Variants in MFSD2A observed in about 807,000 individuals in gnomAD.
MFSD2A encodes MFSD2 lysolipid transporter A, lysophospholipid, also known as sodium-dependent lysophosphatidylcholine symporter 1.
Under a neutral mutation model 64.7 loss-of-function variants are expected in MFSD2A, and 27 were observed. That is an observed-to-expected ratio of 0.42 (90% CI 0.31 to 0.58). The LOEUF (loss-of-function observed/expected upper bound fraction) is 0.58. Ranked by LOEUF, MFSD2A falls within the 20% of genes least tolerant of loss-of-function variation. The pLI, the probability that MFSD2A is intolerant of heterozygous loss-of-function variation, is 0.18. For synonymous variants in MFSD2A, 258 were observed against 273.4 expected (o/e 0.94, Z 0.55); for missense variants, 474 against 679.5 (o/e 0.70, Z 3.36).
rs1416868760 is a variant in MFSD2A at position 39,963,872 on chromosome 1, C to A, written c.354-1339C>A. 6.6e-6 allele frequency among the ~76,000 whole-genome samples: 1 copy of A among 152,158 alleles called. No individual in the cohort carries two copies. The highest frequency in any genetic ancestry group is 1.9e-4 in the East Asian group (1 of 5,196). On this transcript the variant is annotated intron_variant, in intron 3 of 13. Coordinates refer to ENST00000372811, the MANE Select transcript of MFSD2A (RefSeq NM_032793.5). The surrounding 1 kb of genome is among the most constrained non-coding windows in gnomAD (Gnocchi z 4.2). Reference sequence around the variant, plus strand: ...GCTTCAGCCTCCCGAGGAGCTGGGACTACAGGTGTGCGCCACCATGCCTGG... The same window carrying A: ...GCTTCAGCCTCCCGAGGAGCTGGGAATACAGGTGTGCGCCACCATGCCTGG...
rs1396657623 is a variant in MFSD2A at position 39,968,803 on chromosome 1, A to C, written c.1529+58A>C. ...GGGACGTCACTGTGTCTAAACCCTC[A>C]ATTTGTGTCTCCTGTGGCCAAGTCC... On this transcript the variant is annotated intron_variant, in intron 13 of 13. Transcript: ENST00000372811. The surrounding 1 kb of genome is among the most constrained non-coding windows in gnomAD (Gnocchi z 4.4). 3 of 1,588,764 alleles carry C rather than the reference A, an allele frequency of 1.9e-6. No individual in the cohort carries two copies. The South Asian group carries it at 3.4e-5, about 18-fold the overall frequency.
rs1253502035 is a variant in MFSD2A at position 39,968,941 on chromosome 1, T to C, written c.1529+196T>C. On this transcript the variant is annotated intron_variant, in intron 13 of 13. Coordinates refer to ENST00000372811, the MANE Select transcript of MFSD2A (RefSeq NM_032793.5). The surrounding 1 kb of genome is among the most constrained non-coding windows in gnomAD (Gnocchi z 4.4). ...ACAAATACATACTGGCTGCCTACTA[T>C]GTGCTAGGCATTGACTGCTCTAGTG... 6.6e-6 allele frequency among the ~76,000 whole-genome samples: 1 copy of C among 152,238 alleles called. No individual in the cohort carries two copies. The highest frequency in any genetic ancestry group is 1.5e-5 in the Non-Finnish European group (1 of 68,038).
Position 39,955,158 on chromosome 1 carries a change from C to A in MFSD2A, c.-135C>A, listed in dbSNP as rs1164180891. On this transcript the variant is annotated 5_prime_UTR_variant, in exon 1 of 14. Coordinates refer to ENST00000372811, the MANE Select transcript of MFSD2A (RefSeq NM_032793.5). This position sits in a 1 kb window ranked among gnomAD's most constrained non-coding sequence, Gnocchi z 5.9. ...GGGGCGTGCAGCAGAGTGCGTTCCT[C>A]GTCTGCCAGCCGGCTTGGCTAGCGC... The A allele has an allele frequency of 1.7e-6, 1 of 605,870 alleles. No homozygotes were observed. The allele number at this position is 605,870 out of a possible 1,614,324, so 37.5% of individuals were successfully genotyped here.
At chr1:39,962,940 G>C in intron 3 of MFSD2A, 1 of 1,558,832 alleles carries the variant, frequency 6.4e-7, no homozygotes, top group South Asian at 1.1e-5. Context: ...TGCTATCGGA[G>C]ACTACAATGG....
At chr1:39,957,565 T>C (rs1010642531) in intron 2 of MFSD2A, among the ~76,000 whole-genome samples, 15 of 152,200 alleles carry the variant, frequency 9.9e-5, no homozygotes, top group Admixed American at 2.6e-4. Flanking sequence ...GGCTGGGAGA[T>C]AGTCAGCTGG....
Position 39,966,801 on chromosome 1 carries a change from T to C in MFSD2A, c.806-10T>C. The stretch of plus-strand genomic sequence containing the variant: ...TCTGCTCCTTCCTCACTGTCCGCTC[T>C]GGCCCCCAGAACCCTATGAAGCCCA... On this transcript the variant is annotated splice_polypyrimidine_tract_variant and intron_variant, in intron 7 of 13. Coordinates refer to ENST00000372811, the MANE Select transcript of MFSD2A (RefSeq NM_032793.5). 1.2e-6 allele frequency: 2 copies of C among 1,614,112 alleles called. No individual in the cohort carries two copies. Among genetic ancestry groups the C allele is most frequent in the Middle Eastern group, 1.6e-4 (1 of 6,062 alleles).
rs945236664 is a variant in MFSD2A, at chr1:39,965,613, G to T, written c.556+64G>T. The T allele has an allele frequency of 6.6e-7, 1 of 1,524,542 alleles. No individual in the cohort carries two copies. The highest frequency in any genetic ancestry group is 1.4e-5 in the African/African-American group (1 of 73,036). The allele number at this position is 1,524,542 out of a possible 1,614,324, so 94.4% of individuals were successfully genotyped here. On this transcript the variant is annotated intron_variant, in intron 5 of 13. Transcript: ENST00000372811. The surrounding 1 kb of genome is among the most constrained non-coding windows in gnomAD (Gnocchi z 5.5). ...ACCCTCCAGCCATACTTCTTCCCTT[G>T]CGGGTCCAGCTCTTTGCTCTGCTCT... is the stretch of plus-strand genomic sequence containing the variant.
Position 39,966,508 on chromosome 1 carries a change from T to G in MFSD2A, c.715-93T>G, listed in dbSNP as rs1000494353. 4 of 1,006,330 alleles carry G rather than the reference T, an allele frequency of 4.0e-6. No homozygotes were observed. In the African/African-American group the frequency reaches 6.4e-5, roughly 16 times the overall value. 62.3% of individuals were successfully genotyped at this position (1,006,330 alleles called of 1,614,324 possible). A position where few individuals can be genotyped will look rare whatever the true frequency, so the allele number is the denominator to read the frequency against. On this transcript the variant is annotated intron_variant, in intron 6 of 13. Coordinates refer to ENST00000372811, the MANE Select transcript of MFSD2A (RefSeq NM_032793.5). ...AGTACGCTCCCAGAGGGGAGGGGACTGGCCCAAGATCATTGAGTGGGGCTG... is the reference window on the plus strand; with the variant it reads ...AGTACGCTCCCAGAGGGGAGGGGACGGGCCCAAGATCATTGAGTGGGGCTG...
In MFSD2A at chr1:39,966,797, G is replaced by T. The variant is rs368608657; in HGVS notation, c.806-14G>T. On this transcript the variant is annotated splice_polypyrimidine_tract_variant and intron_variant, in intron 7 of 13. Coordinates refer to ENST00000372811, the MANE Select transcript of MFSD2A (RefSeq NM_032793.5). ...GGTCTCTGCTCCTTCCTCACTGTCC[G>T]CTCTGGCCCCCAGAACCCTATGAAG... is the stretch of plus-strand genomic sequence containing the variant. The T allele has an allele frequency of 1.2e-6, 2 of 1,613,984 alleles. No individual in the cohort carries two copies. The highest frequency in any genetic ancestry group is 4.5e-5 in the East Asian group (2 of 44,864).
At chr1:39,962,393 C>T (rs1316145221) in intron 3 of MFSD2A, among the ~76,000 whole-genome samples, 1 of 152,228 alleles carries the variant, frequency 6.6e-6, no homozygotes, top group Admixed American at 6.5e-5. Flanking sequence ...TTATTCTAAC[C>T]TTCTGGAGCC....
At chr1:39,959,638 G>A (rs985330469) in intron 3 of MFSD2A, among the ~76,000 whole-genome samples, 1 of 151,934 alleles carries the variant, frequency 6.6e-6, no homozygotes, top group African/African-American at 2.4e-5. Flanking sequence ...TCTAAAATGG[G>A]GATAATAGTT....
In MFSD2A at chr1:39,965,521, G is replaced by A; in HGVS notation, c.528G>A (p.Gln176=). 6.2e-7 allele frequency: 1 copy of A among 1,614,054 alleles called. No homozygotes were observed. The highest frequency in any genetic ancestry group is 1.1e-5 in the South Asian group (1 of 91,072). ...TCACCATGTTCATCAGCACCGAGCA[G>A]ACTGAGCGGGATTCTGCCACCGCCT... ...SALTMFISTE[Q]TERDSATAYR... Residue 176 remains glutamine (Q), a synonymous_variant, in exon 5 of 14, where the codon CAG becomes CAA. Coordinates refer to ENST00000372811, the MANE Select transcript of MFSD2A (RefSeq NM_032793.5). This position sits in a 1 kb window ranked among gnomAD's most constrained non-coding sequence, Gnocchi z 5.5.
Position 39,968,874 on chromosome 1 carries a change from G to A in MFSD2A, c.1529+129G>A. 1.1e-6 allele frequency: 1 copy of A among 945,586 alleles called. No individual in the cohort carries two copies. Among genetic ancestry groups the A allele is most frequent in the Non-Finnish European group, 1.6e-6 (1 of 633,732 alleles). 58.6% of individuals were successfully genotyped at this position (945,586 alleles called of 1,614,324 possible). A position where few individuals can be genotyped will look rare whatever the true frequency, so the allele number is the denominator to read the frequency against. The stretch of plus-strand genomic sequence containing the variant: ...TTCTCTGGACAGCTGTAACACTTAA[G>A]TACGCACCAGGCACTGTGTTAAGTG... On this transcript the variant is annotated intron_variant, in intron 13 of 13. Coordinates refer to ENST00000372811, the MANE Select transcript of MFSD2A (RefSeq NM_032793.5). The surrounding 1 kb of genome is among the most constrained non-coding windows in gnomAD (Gnocchi z 4.4).
chr1:39,968,554 C>T lies in MFSD2A; in HGVS notation c.1353-15C>T. The T allele has an allele frequency of 6.2e-7, 1 of 1,614,054 alleles. No homozygotes were observed. On this transcript the variant is annotated splice_polypyrimidine_tract_variant and intron_variant, in intron 12 of 13. Coordinates refer to ENST00000372811, the MANE Select transcript of MFSD2A (RefSeq NM_032793.5). The surrounding 1 kb of genome is among the most constrained non-coding windows in gnomAD (Gnocchi z 4.4). ...GCCCCATCTTCACCGTTCTCCTACC[C>T]CCTGGGTCCCATAGCTTTGCAGGGT...
chr1:39,962,559 A>G, intron 3 of MFSD2A: 1 of 611,090 alleles, frequency 1.6e-6, no homozygotes. Flanking sequence ...GGCGGATGAC[A>G]CTGGTGCAGC....
Position 39,958,616 on chromosome 1 carries a change from G to T in MFSD2A, c.229-85G>T, listed in dbSNP as rs761249842. Reference sequence around the variant, plus strand: ...GTCACAAGATCCTGGCTGAGATAGGGAGGGAGCCTCTGCTTCTGCCTACCA... The same window carrying T: ...GTCACAAGATCCTGGCTGAGATAGGTAGGGAGCCTCTGCTTCTGCCTACCA... On this transcript the variant is annotated intron_variant, in intron 2 of 13. Coordinates refer to ENST00000372811, the MANE Select transcript of MFSD2A (RefSeq NM_032793.5). The surrounding 1 kb of genome is among the most constrained non-coding windows in gnomAD (Gnocchi z 4.7). 6 of 1,611,654 alleles carry T rather than the reference G, an allele frequency of 3.7e-6. No individual in the cohort carries two copies. In the African/African-American group the frequency reaches 8.0e-5, roughly 22 times the overall value.
chr1:39,965,836 C>T lies in MFSD2A; in HGVS notation c.557-21C>T, dbSNP rs1344146733. Reference sequence around the variant, plus strand: ...CACAATCCATGAGGCCCCTCCAAAACACCTCCTTTTCTCCTGCCAGGGATG... The same window carrying T: ...CACAATCCATGAGGCCCCTCCAAAATACCTCCTTTTCTCCTGCCAGGGATG... On this transcript the variant is annotated intron_variant, in intron 5 of 13. Transcript: ENST00000372811. This position sits in a 1 kb window ranked among gnomAD's most constrained non-coding sequence, Gnocchi z 5.5. 6.2e-7 allele frequency: 1 copy of T among 1,612,662 alleles called. No homozygotes were observed. The highest frequency in any genetic ancestry group is 1.3e-5 in the African/African-American group (1 of 74,880).
In MFSD2A at chr1:39,966,838, C is replaced by T; in HGVS notation, c.833C>T (p.Pro278Leu). Residue 278 changes from proline to leucine, a missense_variant, in exon 8 of 14, where the codon CCA becomes CTA. Pro to Leu is a moderately conservative substitution (Grantham distance 98). Coordinates refer to ENST00000372811, the MANE Select transcript of MFSD2A (RefSeq NM_032793.5). ...CCCTATGAAGCCCAGCAGTCTGAGC[C>T]AATCGCCTACTTCCGGGGCCTACGG... ...REPYEAQQSE[P>L]IAYFRGLRLV... The T allele has an allele frequency of 1.2e-6, 2 of 1,614,108 alleles. No homozygotes were observed. Among genetic ancestry groups the T allele is most frequent in the Non-Finnish European group, 8.5e-7 (1 of 1,180,038 alleles).
chr1:39,967,691 G>A lies in MFSD2A; in HGVS notation c.1075G>A (p.Ala359Thr). ...WFLTRFGKKTAVYVGISSAVP... is the reference protein window; with the variant it reads ...WFLTRFGKKTTVYVGISSAVP... Reference sequence around the variant, plus strand: ...CTTGACCCGGTTTGGCAAGAAGACAGCTGTATATGTTGGGATCTCAGTGAG... The same window carrying A: ...CTTGACCCGGTTTGGCAAGAAGACAACTGTATATGTTGGGATCTCAGTGAG... Residue 359 changes from alanine to threonine, a missense_variant, in exon 10 of 14, where the codon GCT (alanine) becomes ACT (threonine). Coordinates refer to ENST00000372811, the MANE Select transcript of MFSD2A (RefSeq NM_032793.5). 6.2e-7 allele frequency: 1 copy of A among 1,614,170 alleles called. No individual in the cohort carries two copies. The highest frequency in any genetic ancestry group is 8.5e-7 in the Non-Finnish European group (1 of 1,180,026).
Sources: gnomAD v4.1 joint callset for allele counts (sites outside exome capture counted in the v4.1 genomes callset) on GRCh38, gnomAD v4.1.1 for gene constraint, Gnocchi (gnomAD v3.1) non-coding constraint, MANE v1.5 for transcripts, NCBI Gene and HGNC (gene_info 2026-07-23, HGNC 2026-07-21) for gene names.